Variants in CYRIA observed in about 807,000 individuals in gnomAD.
CYRIA encodes CYFIP-related Rac1 interactor A.
CYRIA carries 15 observed loss-of-function variants against 43.9 expected under a neutral mutation model. That is an observed-to-expected ratio of 0.34 (90% CI 0.23 to 0.53). The LOEUF (loss-of-function observed/expected upper bound fraction) is 0.53, where lower values mean the gene tolerates loss of function less well. CYRIA is among the 20% of genes least tolerant of loss of function. The probability of loss-of-function intolerance (pLI) is 0.94; values close to 1 mark genes in which losing one functional copy is unlikely to be tolerated. For synonymous variants in CYRIA, 117 were observed against 136.0 expected, an observed-to-expected ratio of 0.86 and a Z score of 0.97; for missense variants, 236 against 394.2, an observed-to-expected ratio of 0.60 and a Z score of 3.40.
At chr2:16,565,806 T>G in intron 3 of CYRIA, 39 bp from the exon 4 acceptor site, 1 of 1,500,022 alleles carries the variant, frequency 6.7e-7, no homozygotes, top group Non-Finnish European at 9.0e-7. Flanking sequence ...GTGCTGGTGT[T>G]TACAAATAGC....
At chr2:16,617,060 T>C (rs1344586651) in intron 2 of CYRIA, among the ~76,000 whole-genome samples, 1 of 152,236 alleles carries the variant, frequency 6.6e-6, no homozygotes, top group Admixed American at 6.5e-5. Flanking sequence ...CCTCTGCAAA[T>C]GTCATCAAGT....
chr2:16,587,938 T>C (rs994542115), intron 3 of CYRIA, 112 bp downstream of exon 3: 23 of 672,284 alleles, frequency 3.4e-5, no homozygotes, highest in Admixed American at 1.1e-4. Context: ...ACTAATACAG[T>C]GACCTTTGGA....
At chr2:16,578,349 A>G (rs1667425361) in intron 3 of CYRIA, among the ~76,000 whole-genome samples, 1 of 152,222 alleles carries the variant, frequency 6.6e-6, no homozygotes, top group African/African-American at 2.4e-5. Context: ...CAAAAAAAGC[A>G]AAGGAAAAAA....
intron 9 of CYRIA, chr2:16,560,632 C>T (rs1185357672): frequency 4.0e-6 from 1 of 247,008 alleles, no homozygotes; most frequent in Non-Finnish European, 8.0e-6. Context: ...ATCATGTCAA[C>T]TCCTGGTTTT....
Position 16,620,056 on chromosome 2 carries a change from T to A in CYRIA, c.-11+3808A>T, listed in dbSNP as rs1048738641. On this transcript the variant is annotated intron_variant, in intron 2 of 11. Coordinates refer to ENST00000381323, the MANE Select transcript of CYRIA (RefSeq NM_030797.4). ...GTTGGCTGCTTTTGTCTTTGTCACGTGATTAGAAACTCCTTGAGGTGCTGA... is the reference window on the plus strand; with the variant it reads ...GTTGGCTGCTTTTGTCTTTGTCACGAGATTAGAAACTCCTTGAGGTGCTGA... Among the ~76,000 whole-genome samples, 7 of 152,332 alleles carry A rather than the reference T, an allele frequency of 4.6e-5. No homozygotes were observed. In the East Asian group the frequency reaches 1.3e-3, roughly 29 times the overall value.
intron 3 of CYRIA, among the ~76,000 whole-genome samples, chr2:16,582,014 G>A (rs1667567657): frequency 6.6e-6 from 1 of 152,142 alleles, no homozygotes; most frequent in Non-Finnish European, 1.5e-5. Flanking sequence ...CTTTTACAAT[G>A]TAAGTCAGAC....
At position 16,563,407 on chromosome 2, in the gene CYRIA, T is replaced by TTTATGGCAAAAGTAGAGTAGAAGTA. The variant is rs1359987746; in HGVS notation, c.298+581_298+582insTACTTCTACTCTACTTTTGCCATAA. Among the ~76,000 whole-genome samples the TTTATGGCAAAAGTAGAGTAGAAGTA allele has an allele frequency of 5.3e-5, 8 of 152,284 alleles. No individual in the cohort carries two copies. The East Asian group carries it at 1.6e-3, about 30-fold the overall frequency. ...TTTATGGCAAAAGTAGAGTAGAACA[T>TTTATGGCAAAAGTAGAGTAGAAGTA]GCCTTCTTCATTCAAGATATACTGT... is the stretch of plus-strand genomic sequence containing the variant. On this transcript the variant is annotated intron_variant, in intron 5 of 11. Coordinates refer to ENST00000381323, the MANE Select transcript of CYRIA (RefSeq NM_030797.4).
rs111320183 is a variant in CYRIA at position 16,571,057 on chromosome 2, T to C, written c.71-5290A>G. 2.5e-3 allele frequency among the ~76,000 whole-genome samples: 376 copies of C among 152,260 alleles called. 2 individuals carry two copies. Among genetic ancestry groups the C allele is most frequent in the African/African-American group, 8.7e-3 (362 of 41,552 alleles). On this transcript the variant is annotated intron_variant, in intron 3 of 11. Transcript: ENST00000381323. The stretch of plus-strand genomic sequence containing the variant: ...TCCAGGACATTATGTGGGGGGATGA[T>C]TTAAAGTCCTGTTCTGGACTTGCTA...
intron 1 of CYRIA, among the ~76,000 whole-genome samples, chr2:16,660,132 T>A (rs1042137331): frequency 5.9e-5 from 9 of 152,206 alleles, no homozygotes; most frequent in African/African-American, 2.2e-4. Flanking sequence ...AGGTTTTGCC[T>A]CTTCACCTGT....
At chr2:16,616,754 C>T (rs563210828) in intron 2 of CYRIA, among the ~76,000 whole-genome samples, 1 of 152,370 alleles carries the variant, frequency 6.6e-6, no homozygotes, top group African/African-American at 2.4e-5. Context: ...CTAACAATCA[C>T]AGAGTCCTTA....
chr2:16,576,914 C>A lies in CYRIA; in HGVS notation c.70+11136G>T, dbSNP rs1667371936. 2.0e-5 allele frequency among the ~76,000 whole-genome samples: 3 copies of A among 152,088 alleles called. No individual in the cohort carries two copies. The South Asian group carries it at 6.2e-4, about 32-fold the overall frequency. On this transcript the variant is annotated intron_variant, in intron 3 of 11. Coordinates refer to ENST00000381323, the MANE Select transcript of CYRIA (RefSeq NM_030797.4). ...TATGCTAAGCAAAATAAACAAGTAACAGCAAAACACAAACTGCATGATTCC... is the reference window on the plus strand; with the variant it reads ...TATGCTAAGCAAAATAAACAAGTAAAAGCAAAACACAAACTGCATGATTCC...
intron 1 of CYRIA, among the ~76,000 whole-genome samples, chr2:16,624,240 T>C (rs948989493): frequency 1.3e-5 from 2 of 152,140 alleles, no homozygotes; most frequent in African/African-American, 2.4e-5. Flanking sequence ...AGTTTGGGAG[T>C]TGAATCCACA....
At chr2:16,614,160 C>G (rs1283155618) in intron 2 of CYRIA, among the ~76,000 whole-genome samples, 1 of 152,150 alleles carries the variant, frequency 6.6e-6, no homozygotes, top group African/African-American at 2.4e-5. Flanking sequence ...AGAAAATACT[C>G]TGGAAATGGA....
rs568707974 is a variant in CYRIA at position 16,557,296 on chromosome 2, G to C, written c.838-2157C>G. On this transcript the variant is annotated intron_variant, in intron 10 of 11. Transcript: ENST00000381323. The stretch of plus-strand genomic sequence containing the variant: ...AGGTCCACCTCAAACATCACCCTCT[G>C]TCTCTGCTCTTCGGCAAAACGAGTT... Among the ~76,000 whole-genome samples the C allele has an allele frequency of 5.8e-4, 89 of 152,192 alleles. 1 individual carries two copies. In the South Asian group the frequency reaches 0.018, roughly 30 times the overall value.
intron 3 of CYRIA, among the ~76,000 whole-genome samples, chr2:16,579,566 G>A (rs1367428984): frequency 6.6e-6 from 1 of 152,108 alleles, no homozygotes; most frequent in Non-Finnish European, 1.5e-5. Context: ...GTGAAAAGGT[G>A]TTAATTTGCA....
chr2:16,628,044 C>T (rs1174376334), intron 1 of CYRIA, among the ~76,000 whole-genome samples: 2 of 152,102 alleles, frequency 1.3e-5, no homozygotes, highest in Non-Finnish European at 2.9e-5. Context: ...CACCAGGCTT[C>T]GGGGATGCCA....
chr2:16,553,251 T>C (rs1256900006), intron 11 of CYRIA, among the ~76,000 whole-genome samples: 1 of 152,162 alleles, frequency 6.6e-6, no homozygotes, highest in African/African-American at 2.4e-5. Context: ...ATGAGCGGTC[T>C]CATTTTCTAG....
chr2:16,659,577 G>T (rs1047060734), intron 1 of CYRIA, among the ~76,000 whole-genome samples: 2 of 152,112 alleles, frequency 1.3e-5, no homozygotes, highest in Admixed American at 6.6e-5. Context: ...GGTCTTCTTG[G>T]ACTCTCCACT....
At chr2:16,638,368 C>T (rs1278802692) in intron 1 of CYRIA, among the ~76,000 whole-genome samples, 1 of 152,140 alleles carries the variant, frequency 6.6e-6, no homozygotes, top group Non-Finnish European at 1.5e-5. Flanking sequence ...TGGAAGCATC[C>T]GTGGTGGGCA....
Sources: allele counts gnomAD v4.1 joint callset (sites outside exome capture counted in the v4.1 genomes callset), GRCh38; gene constraint gnomAD v4.1.1; transcripts MANE v1.5; gene names NCBI Gene and HGNC (gene_info 2026-07-23, HGNC 2026-07-21).